PTPN13: variants seen among roughly 807,000 people sequenced by gnomAD.
PTPN13 encodes the protein tyrosine-protein phosphatase non-receptor type 13.
PTPN13 carries 191 observed loss-of-function variants against 284.0 expected under a neutral mutation model. That is an observed-to-expected ratio of 0.67 (90% CI 0.60 to 0.76). The LOEUF (loss-of-function observed/expected upper bound fraction) is 0.76. PTPN13 is among the 30% of genes least tolerant of loss of function. PTPN13 has a pLI of 0.00. For missense variants in PTPN13, 2,797 were observed against 2,939.9 expected (o/e 0.95, Z 1.12); for synonymous variants, 986 against 1,022.3 (o/e 0.96, Z 0.68).
chr4:86,765,474 G>T lies in PTPN13; in HGVS notation c.4229G>T (p.Gly1410Val). ...CCCCAGGGAGCAGCAGAGTCTGATG[G>T]TAGAATTCACAAAGGTATAGTGTTT... ...VIPQGAAESD[G>V]RIHKGDRVLA... Residue 1410 changes from glycine to valine, a missense_variant, in exon 26 of 48, where the codon GGT becomes GTT. Gly to Val is a moderately radical substitution (Grantham distance 109, BLOSUM62 -3). Coordinates refer to ENST00000411767, the MANE Select transcript of PTPN13 (RefSeq NM_080683.3). 1 of 1,586,346 alleles carries T rather than the reference G, an allele frequency of 6.3e-7. No homozygotes were observed. The highest frequency in any genetic ancestry group is 8.6e-7 in the Non-Finnish European group (1 of 1,164,844).
chr4:86,764,859 A>G (rs1030741397), intron 25 of PTPN13, 135 bp downstream of exon 25: 10 of 1,005,226 alleles, frequency 9.9e-6, no homozygotes, highest in Admixed American at 3.8e-5. Context: ...AAACTGAATC[A>G]TATCTAAAAA....
intron 2 of PTPN13, among the ~76,000 whole-genome samples, chr4:86,670,206 A>C (rs1485276167): frequency 7.3e-6 from 1 of 136,732 alleles, no homozygotes; most frequent in African/African-American, 2.8e-5. Context: ...TCATCAAGTC[A>C]CATGGCTTTA....
chr4:86,768,172 T>C lies in PTPN13; in HGVS notation c.4489+196T>C, dbSNP rs1314170188. Among the ~76,000 whole-genome samples, 4 of 152,232 alleles carry C rather than the reference T, an allele frequency of 2.6e-5. No homozygotes were observed. The East Asian group carries it at 7.7e-4, about 29-fold the overall frequency. On this transcript the variant is annotated intron_variant, in intron 28 of 47. Transcript: ENST00000411767. The stretch of plus-strand genomic sequence containing the variant: ...GCAGCTCATAGGGTCTGAAAGACTT[T>C]GGATAATAAAGTCATGCATGATTAT...
chr4:86,599,106 A>G (rs147595875), intron 1 of PTPN13, among the ~76,000 whole-genome samples: 19 of 152,230 alleles, frequency 1.2e-4, no homozygotes, highest in African/African-American at 4.3e-4. Flanking sequence ...AACTCAGACT[A>G]TTAAACCAGA....
At chr4:86,809,598 G>A (rs1021941318) in intron 45 of PTPN13, among the ~76,000 whole-genome samples, 171 bp from the exon 46 acceptor site, 2 of 152,128 alleles carry the variant, frequency 1.3e-5, no homozygotes, top group African/African-American at 4.8e-5. Context: ...CTATGAGGCA[G>A]GAGAATCGCT....
At chr4:86,763,604 G>T (rs1363050850) in intron 24 of PTPN13, among the ~76,000 whole-genome samples, 1 of 152,106 alleles carries the variant, frequency 6.6e-6, no homozygotes, top group African/African-American at 2.4e-5. Context: ...TGATGATAAC[G>T]ACATTGAAAA....
chr4:86,626,550 A>G (rs1721854086), intron 1 of PTPN13, among the ~76,000 whole-genome samples: 1 of 152,136 alleles, frequency 6.6e-6, no homozygotes, highest in African/African-American at 2.4e-5. Flanking sequence ...ATGGAAAGAA[A>G]TATTAATGTA....
intron 10 of PTPN13, among the ~76,000 whole-genome samples, chr4:86,730,639 C>G (rs1457712388): frequency 6.7e-6 from 1 of 149,754 alleles, no homozygotes; most frequent in Non-Finnish European, 1.5e-5. Context: ...TCTGGTCTGC[C>G]ACTTGCTAAG....
intron 43 of PTPN13, among the ~76,000 whole-genome samples, 164 bp downstream of exon 43, chr4:86,804,021 T>G (rs1206649778): frequency 6.6e-6 from 1 of 151,980 alleles, no homozygotes; most frequent in East Asian, 1.9e-4. Flanking sequence ...CTGATTAGGA[T>G]CCCAATAATA....
At chr4:86,796,168 AAT>A (rs1313508760) in intron 40 of PTPN13, among the ~76,000 whole-genome samples, 6 of 152,206 alleles carry the variant, frequency 3.9e-5, no homozygotes, top group African/African-American at 1.4e-4. Context: ...ATAAAGGGGC[AAT>A]ATATTATAAT....
At chr4:86,773,960 A>G (rs1487909449) in intron 32 of PTPN13, among the ~76,000 whole-genome samples, 1 of 152,040 alleles carries the variant, frequency 6.6e-6, no homozygotes, top group Non-Finnish European at 1.5e-5. Flanking sequence ...GGCTCTTTGC[A>G]TCTGTTTAGA....
rs1731189732 is a variant in PTPN13, at chr4:86,701,728, A to G, written c.1122A>G (p.Ile374Met). Residue 374 changes from isoleucine (I) to methionine (M), a missense_variant, in exon 7 of 48, where the codon ATA becomes ATG. By Grantham distance (10) the Ile-to-Met change is conservative. Transcript: ENST00000411767. ...GAGAATTGCCCACCTCCTCAGCAAT[A>G]TCAAGTGCTTTGGACCGAATCCGAG... ...HTRELPTSSA[I>M]SSALDRIRER... is the part of the protein sequence containing the mutation. The G allele has an allele frequency of 6.2e-7, 1 of 1,614,026 alleles. No individual in the cohort carries two copies. The highest frequency in any genetic ancestry group is 8.5e-7 in the Non-Finnish European group (1 of 1,179,866).
intron 47 of PTPN13, among the ~76,000 whole-genome samples, chr4:86,813,867 C>A (rs996140881): frequency 6.6e-6 from 1 of 152,064 alleles, no homozygotes; most frequent in Non-Finnish European, 1.5e-5. Context: ...TAGTGGCCCA[C>A]CAATCAAAGA....
chr4:86,686,073 A>G (rs1312330999), intron 3 of PTPN13, among the ~76,000 whole-genome samples: 2 of 152,240 alleles, frequency 1.3e-5, no homozygotes, highest in Non-Finnish European at 2.9e-5. Context: ...TAAAAATGCA[A>G]GGTGCCTGCC....
At position 86,695,271 on chromosome 4, in the gene PTPN13, AAAT is replaced by A. The variant is rs1730478468; in HGVS notation, c.634+1600_634+1602del. Among the ~76,000 whole-genome samples, 3 of 152,122 alleles carry A rather than the reference AAAT, an allele frequency of 2.0e-5. No individual in the cohort carries two copies. In the South Asian group the frequency reaches 6.2e-4, roughly 32 times the overall value. Reference sequence around the variant, plus strand: ...TGATTAGTTTATATATGGGCCAAAAAAATAACAGTGTGGTAACAATTTTGAAAG... The same window carrying A: ...TGATTAGTTTATATATGGGCCAAAAAAACAGTGTGGTAACAATTTTGAAAG... On this transcript the variant is annotated intron_variant, in intron 6 of 47. Coordinates refer to ENST00000411767, the MANE Select transcript of PTPN13 (RefSeq NM_080683.3).
At chr4:86,786,399 C>T (rs1565577111) in intron 40 of PTPN13, among the ~76,000 whole-genome samples, 1 of 152,128 alleles carries the variant, frequency 6.6e-6, no homozygotes, top group African/African-American at 2.4e-5. Flanking sequence ...ATTATTAAAA[C>T]TGTGCTGGTT....
At chr4:86,767,723 A>G in intron 27 of PTPN13, 94 bp from the exon 28 acceptor site, 1 of 995,626 alleles carries the variant, frequency 1.0e-6, no homozygotes, top group Non-Finnish European at 1.4e-6. Flanking sequence ...GTTACTTTAA[A>G]TGATTTTATA....
chr4:86,703,708 A>G (rs1299483597), intron 7 of PTPN13, among the ~76,000 whole-genome samples: 1 of 152,164 alleles, frequency 6.6e-6, no homozygotes, highest in Non-Finnish European at 1.5e-5. Context: ...ATCTACAAAA[A>G]AAATTTTTTA....
rs150491300 is a variant in PTPN13 at position 86,707,741 on chromosome 4, C to T, written c.1195+5940C>T. Among the ~76,000 whole-genome samples, 603 of 151,848 alleles carry T rather than the reference C, an allele frequency of 4.0e-3. 2 individuals carry two copies. Among genetic ancestry groups the T allele is most frequent in the African/African-American group, 0.014 (575 of 41,446 alleles). On this transcript the variant is annotated intron_variant, in intron 7 of 47. Coordinates refer to ENST00000411767, the MANE Select transcript of PTPN13 (RefSeq NM_080683.3). ...GATTGAGTTATTATTTAAGTTACTC[C>T]GTGAGCTAAAATAAATAATTTTAAT...
Sources: allele counts gnomAD v4.1 joint callset (sites outside exome capture counted in the v4.1 genomes callset), GRCh38; gene constraint gnomAD v4.1.1; transcripts MANE v1.5; gene names NCBI Gene and HGNC (gene_info 2026-07-23, HGNC 2026-07-21).